SHISA6: variants seen among roughly 807,000 people sequenced by gnomAD.
The protein encoded by SHISA6 is shisa family member 6.
In SHISA6, 22 loss-of-function variants were observed where a neutral mutation model predicts 47.9. The ratio of observed to expected loss-of-function variants is 0.46; its 90% CI spans 0.33 to 0.66. The LOEUF is 0.66. Ranked by LOEUF, SHISA6 falls within the 30% of genes least tolerant of loss-of-function variation. The probability of loss-of-function intolerance (pLI) is 0.02; values close to 1 mark genes in which losing one functional copy is unlikely to be tolerated. For synonymous variants in SHISA6, 388 were observed against 337.8 expected (o/e 1.15, Z -1.63); for missense variants, 680 against 764.6 (o/e 0.89, Z 1.30).
intron 4 of SHISA6, 75 bp from the exon 5 acceptor site, chr17:11,555,665 A>G: frequency 7.0e-7 from 1 of 1,430,436 alleles, no homozygotes; most frequent in African/African-American, 1.4e-5. Context: ...GATTCGAATC[A>G]GGGGTGAGGC....
intron 2 of SHISA6, among the ~76,000 whole-genome samples, chr17:11,287,875 T>G (rs1192854296): frequency 3.3e-5 from 5 of 152,186 alleles, no homozygotes; most frequent in Non-Finnish European, 7.3e-5. Context: ...TGTAGATCAT[T>G]GTTAGTAACA....
At chr17:11,305,148 G>A (rs970919244) in intron 2 of SHISA6, among the ~76,000 whole-genome samples, 14 of 152,136 alleles carry the variant, frequency 9.2e-5, no homozygotes, top group African/African-American at 3.1e-4. Flanking sequence ...AACAACTTTT[G>A]TGCCTCCTTT....
chr17:11,469,221 G>A (rs1222838620), intron 3 of SHISA6, among the ~76,000 whole-genome samples: 1 of 151,956 alleles, frequency 6.6e-6, no homozygotes, highest in Non-Finnish European at 1.5e-5. Flanking sequence ...TTGGAAGATG[G>A]TCCTGAATTA....
intron 3 of SHISA6, among the ~76,000 whole-genome samples, chr17:11,382,486 C>G (rs1003574021): frequency 3.9e-5 from 6 of 152,178 alleles, no homozygotes; most frequent in Middle Eastern, 3.2e-3. Context: ...CTAAGTTCAA[C>G]TCTAAGTGCT....
At chr17:11,457,460 G>A (rs778236971) in intron 3 of SHISA6, among the ~76,000 whole-genome samples, 29 of 152,118 alleles carry the variant, frequency 1.9e-4, no homozygotes, top group Non-Finnish European at 4.0e-4. Context: ...GGCCGGGCAC[G>A]GTGGCTCATG....
chr17:11,366,944 G>A (rs1912472554), intron 2 of SHISA6, among the ~76,000 whole-genome samples: 1 of 152,172 alleles, frequency 6.6e-6, no homozygotes, highest in Non-Finnish European at 1.5e-5. Flanking sequence ...ATCAAATTAA[G>A]ATGAGGTCAT....
chr17:11,354,178 T>C (rs1412247721), intron 2 of SHISA6, among the ~76,000 whole-genome samples: 1 of 152,210 alleles, frequency 6.6e-6, no homozygotes, highest in African/African-American at 2.4e-5. Context: ...ATAGCACTGC[T>C]GCTCTGCACT....
chr17:11,332,691 T>C (rs1911165446), intron 2 of SHISA6, among the ~76,000 whole-genome samples: 1 of 152,158 alleles, frequency 6.6e-6, no homozygotes, highest in Non-Finnish European at 1.5e-5. Context: ...CCTGCAGGTT[T>C]CCAGGCCTTT....
At chr17:11,420,261 C>T (rs377754040) in intron 3 of SHISA6, among the ~76,000 whole-genome samples, 17 of 152,242 alleles carry the variant, frequency 1.1e-4, no homozygotes, top group African/African-American at 2.4e-4. Context: ...GCCCTGCCCC[C>T]GCGGGACTGG....
intron 3 of SHISA6, among the ~76,000 whole-genome samples, chr17:11,417,471 C>T (rs189988241): frequency 7.4e-4 from 113 of 152,296 alleles, no homozygotes; most frequent in African/African-American, 2.1e-3. Context: ...ATGGGGAGCA[C>T]GTGGCCTCAC....
rs536352214 is a variant in SHISA6, at chr17:11,391,439, C to T, written c.895+11930C>T. ...TGACCACTGCCCATGCCCTCTTCCTCCTTGTTACACTTCTGCCTTTAAGAA... is the reference window on the plus strand; with the variant it reads ...TGACCACTGCCCATGCCCTCTTCCTTCTTGTTACACTTCTGCCTTTAAGAA... On this transcript the variant is annotated intron_variant, in intron 3 of 5. Transcript: ENST00000441885. Among the ~76,000 whole-genome samples, 4 of 152,292 alleles carry T rather than the reference C, an allele frequency of 2.6e-5. No individual in the cohort carries two copies. In the South Asian group the frequency reaches 8.3e-4, roughly 32 times the overall value.
chr17:11,265,465 G>A (rs556968107), intron 2 of SHISA6, among the ~76,000 whole-genome samples: 55 of 152,288 alleles, frequency 3.6e-4, no homozygotes, highest in African/African-American at 1.2e-3. Context: ...CACTTCCCAG[G>A]TGATTCTAAT....
At chr17:11,254,265 C>T (rs1303834764) in intron 1 of SHISA6, among the ~76,000 whole-genome samples, 1 of 152,136 alleles carries the variant, frequency 6.6e-6, no homozygotes, top group Non-Finnish European at 1.5e-5. Flanking sequence ...TGGGTGAGTC[C>T]CTTGGCCCCT....
At chr17:11,303,148 T>C (rs375066175) in intron 2 of SHISA6, among the ~76,000 whole-genome samples, 51 of 152,258 alleles carry the variant, frequency 3.3e-4, no homozygotes, top group African/African-American at 1.2e-3. Context: ...TATCAGTGTG[T>C]GATTTTGTGT....
At chr17:11,499,698 T>TTTTTGTTG (rs199678843) in intron 3 of SHISA6, among the ~76,000 whole-genome samples, 18 of 146,604 alleles carry the variant, frequency 1.2e-4, no homozygotes, top group African/African-American at 4.8e-4. Context: ...TTTTTTTTTT[T>TTTTTGTTG]TTGTTGTTGT....
intron 3 of SHISA6, among the ~76,000 whole-genome samples, chr17:11,414,273 C>T (rs1914217708): frequency 6.6e-6 from 1 of 152,178 alleles, no homozygotes. Flanking sequence ...GGACACACCA[C>T]TTTGCAGTAT....
At chr17:11,436,522 T>G (rs1311523278) in intron 3 of SHISA6, among the ~76,000 whole-genome samples, 2 of 152,190 alleles carry the variant, frequency 1.3e-5, no homozygotes, top group Non-Finnish European at 2.9e-5. Context: ...CTTTATCAGA[T>G]CTCTATTATT....
At chr17:11,492,391 G>A (rs976505514) in intron 3 of SHISA6, among the ~76,000 whole-genome samples, 2 of 152,128 alleles carry the variant, frequency 1.3e-5, no homozygotes, top group African/African-American at 2.4e-5. Context: ...TTGGTGATTC[G>A]GTAGAGAATG....
chr17:11,389,261 A>G (rs1213175414), intron 3 of SHISA6, among the ~76,000 whole-genome samples: 9 of 152,156 alleles, frequency 5.9e-5, no homozygotes, highest in Non-Finnish European at 1.3e-4. Context: ...AGCCACTGGG[A>G]CAATCTTCTG....
Sources: gnomAD v4.1 joint callset for allele counts (sites outside exome capture counted in the v4.1 genomes callset) on GRCh38, gnomAD v4.1.1 for gene constraint, MANE v1.5 for transcripts, NCBI Gene and HGNC (gene_info 2026-07-23, HGNC 2026-07-21) for gene names.